ZDHHC11: variants seen among roughly 807,000 people sequenced by gnomAD.
The protein encoded by ZDHHC11 is zDHHC palmitoyltransferase 11, also known as palmitoyltransferase ZDHHC11.
Under a neutral mutation model 51.3 loss-of-function variants are expected in ZDHHC11, and 44 were observed. The ratio of observed to expected loss-of-function variants is 0.86; its 90% CI spans 0.67 to 1.10. The LOEUF is 1.10. Ranked by LOEUF, ZDHHC11 falls within the 50% of genes least tolerant of loss-of-function variation. The pLI is 0.00. For synonymous variants in ZDHHC11, 163 were observed against 222.0 expected, an observed-to-expected ratio of 0.73 and a Z score of 2.36; for missense variants, 400 against 537.7, an observed-to-expected ratio of 0.74 and a Z score of 2.53.
intron 1 of ZDHHC11, among the ~76,000 whole-genome samples, chr5:849,201 C>T (rs527764969): frequency 6.2e-4 from 95 of 152,280 alleles, no homozygotes; most frequent in Non-Finnish European, 1.1e-3. Context: ...AGTCGGGGAC[C>T]GGGAAGGCTG....
intron 12 of ZDHHC11, among the ~76,000 whole-genome samples, chr5:798,326 G>A (rs1737888243): frequency 6.6e-6 from 1 of 150,856 alleles, no homozygotes. Flanking sequence ...CTTCAACCAT[G>A]GCCTGAGAAT....
chr5:838,339 G>C (rs1744215110), intron 5 of ZDHHC11, among the ~76,000 whole-genome samples: 1 of 152,054 alleles, frequency 6.6e-6, no homozygotes, highest in Admixed American at 6.6e-5. Flanking sequence ...AGCTTCCATG[G>C]AGGGGCCAAA....
chr5:808,000 G>C (rs1163046738), intron 11 of ZDHHC11, among the ~76,000 whole-genome samples: 1 of 150,968 alleles, frequency 6.6e-6, no homozygotes, highest in East Asian at 2.0e-4. Context: ...GTCTGGGGGT[G>C]CAGGCCAGTC....
chr5:854,209 A>G (rs1747777560), upstream of ZDHHC11, among the ~76,000 whole-genome samples: 1 of 147,378 alleles, frequency 6.8e-6, no homozygotes. Flanking sequence ...CATGGAGGAT[A>G]GCAAGCCAGG....
intron 7 of ZDHHC11, among the ~76,000 whole-genome samples, chr5:828,199 T>C (rs1301889287): frequency 1.3e-5 from 2 of 151,502 alleles, no homozygotes; most frequent in Non-Finnish European, 2.9e-5. Flanking sequence ...CCCCCTTTTC[T>C]ATTCCACAAA....
At chr5:822,532 C>T (rs1218629165) in intron 8 of ZDHHC11, among the ~76,000 whole-genome samples, 3 of 137,356 alleles carry the variant, frequency 2.2e-5, no homozygotes, top group Admixed American at 2.2e-4. Flanking sequence ...GGAGTGCTGG[C>T]TCATATGATA....
At chr5:816,008 G>C (rs905624496) in intron 10 of ZDHHC11, among the ~76,000 whole-genome samples, 1 of 151,624 alleles carries the variant, frequency 6.6e-6, no homozygotes, top group African/African-American at 2.4e-5. Context: ...ATGATGTTGA[G>C]CAGCTTTTCA....
chr5:825,535 C>G (rs1742238144), intron 7 of ZDHHC11, among the ~76,000 whole-genome samples: 1 of 152,156 alleles, frequency 6.6e-6, no homozygotes, highest in Admixed American at 6.5e-5. Context: ...ACACCAGTGC[C>G]TAAGACAGGT....
At chr5:832,748 C>CA (rs1284388250) in intron 7 of ZDHHC11, among the ~76,000 whole-genome samples, 5 of 126,192 alleles carry the variant, frequency 4.0e-5, no homozygotes, top group Non-Finnish European at 8.5e-5. Flanking sequence ...GCCTGGGTGA[C>CA]AGAGTGAAAT....
chr5:852,841 GTA>G, upstream of ZDHHC11, among the ~76,000 whole-genome samples: 1 of 145,668 alleles, frequency 6.9e-6, no homozygotes, highest in South Asian at 2.2e-4. Flanking sequence ...CGAGCCGGGG[GTA>G]CAGACCACAC....
At chr5:842,874 C>A (rs1484645396) in intron 4 of ZDHHC11, among the ~76,000 whole-genome samples, 19 of 152,158 alleles carry the variant, frequency 1.2e-4, no homozygotes, top group Non-Finnish European at 2.5e-4. Context: ...GACTCCACCC[C>A]TGCCTCCATC....
chr5:849,427 T>C (rs1403821872), intron 1 of ZDHHC11, among the ~76,000 whole-genome samples: 1 of 152,032 alleles, frequency 6.6e-6, no homozygotes, highest in Admixed American at 6.5e-5. Flanking sequence ...GGTTCTTTCA[T>C]ACCAGAGACC....
At chr5:796,953 A>C (rs1452305879) in intron 12 of ZDHHC11, among the ~76,000 whole-genome samples, 4 of 151,994 alleles carry the variant, frequency 2.6e-5, no homozygotes, top group African/African-American at 9.7e-5. Context: ...CACACCTGTA[A>C]TCCCAGCACT....
At chr5:845,211 C>G (rs1745936830) in intron 3 of ZDHHC11, among the ~76,000 whole-genome samples, 2 of 152,302 alleles carry the variant, frequency 1.3e-5, no homozygotes, top group Admixed American at 1.3e-4. Context: ...CCTCTCACAG[C>G]TTAGGTTTCC....
chr5:824,214 T>A, intron 8 of ZDHHC11: 1 of 362,806 alleles, frequency 2.8e-6, no homozygotes, highest in South Asian at 2.1e-5. Flanking sequence ...ATCCCTGTGC[T>A]ATTAGAGGCT....
At chr5:844,153 C>A (rs4957110) in intron 3 of ZDHHC11, among the ~76,000 whole-genome samples, 11 of 151,956 alleles carry the variant, frequency 7.2e-5, no homozygotes, top group Non-Finnish European at 1.0e-4. Context: ...ACCCTGCTCC[C>A]GACCGCGCCT....
At chr5:851,884 T>C (rs1370559059), upstream of ZDHHC11, among the ~76,000 whole-genome samples, 1 of 152,100 alleles carries the variant, frequency 6.6e-6, no homozygotes, top group Non-Finnish European at 1.5e-5. Flanking sequence ...GGCGAAACCC[T>C]GTCTCTACTA....
At chr5:854,971 C>T (rs1481570160), upstream of ZDHHC11, among the ~76,000 whole-genome samples, 3 of 150,408 alleles carry the variant, frequency 2.0e-5, no homozygotes, top group African/African-American at 4.9e-5. Context: ...GGGCACAGAC[C>T]CCACGGAGGA....
chr5:835,677 A>G lies in ZDHHC11; in HGVS notation c.900+1688T>C, dbSNP rs529596143. ...AGCAGGGATTGTGGTAAATCTGTAG[A>G]TAAGTTTTGGGGAAAATTGCCCTTT... On this transcript the variant is annotated intron_variant, in intron 6 of 12. Coordinates refer to ENST00000283441, the MANE Select transcript of ZDHHC11 (RefSeq NM_024786.3). Among the ~76,000 whole-genome samples, 9 of 152,048 alleles carry G rather than the reference A, an allele frequency of 5.9e-5. 1 individual carries two copies. Among genetic ancestry groups the G allele is most frequent in the Admixed American group, 1.3e-4 (2 of 15,270 alleles).
Sources: allele counts gnomAD v4.1 joint callset (sites outside exome capture counted in the v4.1 genomes callset), GRCh38; gene constraint gnomAD v4.1.1; transcripts MANE v1.5; gene names NCBI Gene and HGNC (gene_info 2026-07-23, HGNC 2026-07-21).